The following TG variants were observed in gnomAD, a reference collection of about 807,000 sequenced individuals.
TG encodes the protein thyroglobulin.
Under a neutral mutation model 324.7 loss-of-function variants are expected in TG, and 270 were observed. That is an observed-to-expected ratio of 0.83 (90% CI 0.75 to 0.92). TG has a LOEUF of 0.92. TG is among the 40% of genes least tolerant of loss of function. The pLI is 0.00. For synonymous variants in TG, 1,401 were observed against 1,327.0 expected (o/e 1.06, Z -1.21); for missense variants, 3,591 against 3,456.4 (o/e 1.04, Z -0.98).
rs189696164 is a variant in TG at position 133,059,341 on chromosome 8, G to A, written c.7239+29318G>A. 1.1e-3 allele frequency: 380 copies of A among 356,958 alleles called. 1 individual carries two copies. The highest frequency in any genetic ancestry group is 7.6e-3 in the African/African-American group (358 of 46,838). 22.1% of individuals were successfully genotyped at this position (356,958 alleles called of 1,614,324 possible). ...TGGACTAGGAATCTGAGGAAATAAA[G>A]GTCAGGCCATTAGAAGGGGCCAGCA... is the stretch of plus-strand genomic sequence containing the variant. On this transcript the variant is annotated intron_variant, in intron 41 of 47. Transcript: ENST00000220616.
At chr8:132,955,150 C>G (rs12677246) in intron 27 of TG, among the ~76,000 whole-genome samples, 16,765 of 152,142 alleles carry the variant, frequency 0.11, 1,242 homozygotes, top group East Asian at 0.43. Context: ...GGATTGTCAG[C>G]TGATTCTTCA....
chr8:133,019,132 A>G (rs1014684594), intron 38 of TG, among the ~76,000 whole-genome samples: 2 of 152,196 alleles, frequency 1.3e-5, no homozygotes, highest in African/African-American at 4.8e-5. Flanking sequence ...CATTGGGTAG[A>G]TGACCATTGC....
chr8:133,004,406 A>G (rs1002121338), intron 35 of TG, among the ~76,000 whole-genome samples: 4 of 152,164 alleles, frequency 2.6e-5, no homozygotes, highest in African/African-American at 4.8e-5. Flanking sequence ...TAGGACCTCA[A>G]CTAAGTTCTG....
intron 41 of TG, among the ~76,000 whole-genome samples, chr8:133,055,579 G>T (rs190337780): frequency 7.2e-5 from 11 of 152,158 alleles, no homozygotes; most frequent in Admixed American, 1.3e-4. Context: ...CCCAAGCCTT[G>T]GTTTTTCCGT....
At chr8:133,079,468 T>G (rs920048053) in intron 41 of TG, among the ~76,000 whole-genome samples, 6 of 152,138 alleles carry the variant, frequency 3.9e-5, no homozygotes, top group African/African-American at 1.4e-4. Context: ...GTTGTTATAT[T>G]TCTCCAACAT....
intron 41 of TG, among the ~76,000 whole-genome samples, chr8:133,058,351 G>T (rs28731206): frequency 2.0e-4 from 31 of 152,302 alleles, no homozygotes; most frequent in African/African-American, 6.5e-4. Context: ...GGGGTGGGGA[G>T]ACCCCTCTCT....
At chr8:132,970,886 A>C (rs567094362) in intron 32 of TG, among the ~76,000 whole-genome samples, 131 of 152,288 alleles carry the variant, frequency 8.6e-4, no homozygotes, top group African/African-American at 2.9e-3. Context: ...AAAAGCAGAG[A>C]GGTGACTTGC....
intron 39 of TG, among the ~76,000 whole-genome samples, chr8:133,021,308 G>T (rs1835540994): frequency 6.6e-6 from 1 of 152,204 alleles, no homozygotes; most frequent in Non-Finnish European, 1.5e-5. Flanking sequence ...GCATCCAAGG[G>T]AAAGGGGACG....
At chr8:132,872,579 G>C (rs923124077) in intron 4 of TG, among the ~76,000 whole-genome samples, 1 of 151,732 alleles carries the variant, frequency 6.6e-6, no homozygotes, top group African/African-American at 2.4e-5. Flanking sequence ...TCAGTGCATA[G>C]TGTTGATAAA....
chr8:133,099,533 G>T (rs745710887), intron 43 of TG, among the ~76,000 whole-genome samples: 6 of 152,232 alleles, frequency 3.9e-5, no homozygotes, highest in Non-Finnish European at 7.4e-5. Context: ...CTCTGAACTG[G>T]TTTAGCCAAT....
Position 132,886,781 on chromosome 8 carries a change from AC to A in TG, c.1411del (p.Leu471PhefsTer8), listed in dbSNP as rs1465234511. 6.2e-7 allele frequency: 1 copy of A among 1,613,974 alleles called. No homozygotes were observed. Among genetic ancestry groups the A allele is most frequent in the Admixed American group, 1.7e-5 (1 of 60,000 alleles). On this transcript the variant is annotated frameshift_variant, in exon 9 of 48. Transcript: ENST00000220616. LOFTEE classifies it high-confidence loss of function. ...FTTNPKRLQQ[N>X]LFGGKFLVNV... ...ACCAACCCAAAGAGACTCCAGCAAAACCTTTTTGGAGGGAAATTTTTGGTGA... is the reference window on the plus strand; with the variant it reads ...ACCAACCCAAAGAGACTCCAGCAAAACTTTTTGGAGGGAAATTTTTGGTGA...
intron 41 of TG, among the ~76,000 whole-genome samples, chr8:133,030,372 G>T (rs1228182263): frequency 6.6e-6 from 1 of 152,202 alleles, no homozygotes; most frequent in Non-Finnish European, 1.5e-5. Flanking sequence ...TCTTCTGGAT[G>T]GCCTGAAGTG....
In TG at chr8:133,021,892, G is replaced by C. The variant is rs1472318339; in HGVS notation, c.6877-99G>C. 3.4e-6 allele frequency: 5 copies of C among 1,458,102 alleles called. No individual in the cohort carries two copies. The Middle Eastern group carries it at 5.2e-4, about 151-fold the overall frequency. The allele number at this position is 1,458,102 out of a possible 1,614,324, so 90.3% of individuals were successfully genotyped here. ...TGCATGGGGCTAAGTATGCCACAGAGCTGGCCAGAGGAGTCCTGTGTCAAC... is the reference window on the plus strand; with the variant it reads ...TGCATGGGGCTAAGTATGCCACAGACCTGGCCAGAGGAGTCCTGTGTCAAC... On this transcript the variant is annotated intron_variant, in intron 39 of 47. Coordinates refer to ENST00000220616, the MANE Select transcript of TG (RefSeq NM_003235.5).
At chr8:133,120,401 T>C (rs553192427) in intron 45 of TG, among the ~76,000 whole-genome samples, 1 of 152,322 alleles carries the variant, frequency 6.6e-6, no homozygotes, top group Non-Finnish European at 1.5e-5. Context: ...TAGGCTGCTG[T>C]AACAAAGTGC....
chr8:132,969,683 T>G (rs1388736206), intron 32 of TG, 114 bp downstream of exon 32: 7 of 795,994 alleles, frequency 8.8e-6, no homozygotes, highest in Non-Finnish European at 1.5e-5. Context: ...GAGGCCGAGC[T>G]GGGCTGATCA....
At chr8:132,968,309 A>G (rs944647657) in intron 31 of TG, among the ~76,000 whole-genome samples, 8 of 152,190 alleles carry the variant, frequency 5.3e-5, no homozygotes, top group African/African-American at 1.9e-4. Context: ...TTCCTTGTAG[A>G]GATGTGAAGC....
chr8:133,046,483 A>G (rs1429619140), intron 41 of TG: 1 of 152,264 alleles, frequency 6.6e-6, no homozygotes, highest in African/African-American at 2.4e-5. Context: ...TAAGGTCAGC[A>G]GAACTGGGAG....
Position 133,017,906 on chromosome 8 carries a change from G to A in TG, c.6691G>A (p.Val2231Ile). Residue 2231 changes from valine (V) to isoleucine (I), a missense_variant, in exon 38 of 48, where the codon GTT becomes ATT. Coordinates refer to ENST00000220616, the MANE Select transcript of TG (RefSeq NM_003235.5). ...GAAGCAAGTGGACCAGTTCCTTGGA[G>A]TTCCATATGCTGCCCCGCCCCTGGC... ...SWKQVDQFLG[V>I]PYAAPPLAER... 1 of 1,614,222 alleles carries A rather than the reference G, an allele frequency of 6.2e-7. No homozygotes were observed.
intron 2 of TG, among the ~76,000 whole-genome samples, chr8:132,869,458 C>T (rs1006963311): frequency 6.6e-6 from 1 of 152,200 alleles, no homozygotes; most frequent in African/African-American, 2.4e-5. Context: ...GCCCTGCACT[C>T]CAGGGTGGGT....
Sources: gnomAD v4.1 joint callset for allele counts (sites outside exome capture counted in the v4.1 genomes callset) on GRCh38, gnomAD v4.1.1 for gene constraint, MANE v1.5 for transcripts, NCBI Gene and HGNC (gene_info 2026-07-23, HGNC 2026-07-21) for gene names.